The following OTOG variants were observed in gnomAD, a reference collection of about 807,000 sequenced individuals.
The protein encoded by OTOG is otogelin.
In OTOG, 296 loss-of-function variants were observed where a neutral mutation model predicts 313.8. The observed-to-expected ratio is 0.94, with a 90% CI of 0.86 to 1.04. The LOEUF (loss-of-function observed/expected upper bound fraction) is 1.04. Among genes scored for constraint, OTOG ranks in the 50% least tolerant of loss-of-function variants. OTOG has a pLI of 0.00. For synonymous variants in OTOG, 1,533 were observed against 1,554.9 expected, an observed-to-expected ratio of 0.99 and a Z score of 0.33; for missense variants, 3,948 against 3,840.1, an observed-to-expected ratio of 1.03 and a Z score of -0.74.
intron 34 of OTOG, 38 bp downstream of exon 34, chr11:17,608,451 T>C: frequency 7.4e-7 from 1 of 1,351,228 alleles, no homozygotes; most frequent in Non-Finnish European, 1.0e-6. Context: ...AGCCAAGGTG[T>C]GTGCACTAGT....
intron 39 of OTOG, among the ~76,000 whole-genome samples, chr11:17,622,120 C>G (rs1309796130): frequency 6.6e-6 from 1 of 152,164 alleles, no homozygotes; most frequent in Non-Finnish European, 1.5e-5. Context: ...GAGCCAGGGG[C>G]TTTCCTAGGG....
intron 4 of OTOG, among the ~76,000 whole-genome samples, chr11:17,552,614 C>CTGTGTCCCCCACCTGTCCTGTG (rs1158447407): frequency 2.5e-4 from 38 of 151,772 alleles, no homozygotes; most frequent in South Asian, 6.3e-4. Flanking sequence ...CCCACCTGTC[C>CTGTGTCCCCCACCTGTCCTGTG]TCTCACATCA....
intron 24 of OTOG, among the ~76,000 whole-genome samples, chr11:17,590,521 A>T (rs1014056139): frequency 1.3e-5 from 2 of 152,132 alleles, no homozygotes; most frequent in Non-Finnish European, 2.9e-5. Context: ...TGCAGTAGCC[A>T]CTCAGCTGGT....
chr11:17,640,946 G>A lies in OTOG; in HGVS notation c.8045G>A (p.Gly2682Asp), dbSNP rs953906424. ...CCGGTGTGTCTGAGCCGCGAGCTGG[G>A]TGTGATGCAGCCCGGCCAGACAGTG... ...KAPVCLSREL[G>D]VMQPGQTVVE... Residue 2682 changes from glycine (G) to aspartate (D), a missense_variant, in exon 51 of 56, where the codon GGT (glycine) becomes GAT (aspartate). Gly to Asp is a moderately conservative substitution (Grantham distance 94). Coordinates refer to ENST00000399397, the MANE Select transcript of OTOG (RefSeq NM_001292063.2). 1.9e-6 allele frequency: 3 copies of A among 1,548,316 alleles called. No individual in the cohort carries two copies. Among genetic ancestry groups the A allele is most frequent in the African/African-American group, 1.4e-5 (1 of 73,180 alleles).
In OTOG at chr11:17,553,558, T is replaced by G. The variant is rs1163582269; in HGVS notation, c.540+39T>G. On this transcript the variant is annotated intron_variant, in intron 6 of 55. Transcript: ENST00000399397. The stretch of plus-strand genomic sequence containing the variant: ...TGCCTTGCCTGTCCAGGAATGCTTC[T>G]CTAGGCCCTGGAGGCTGCACTGGCC... The G allele has an allele frequency of 2.1e-6, 3 of 1,402,288 alleles. No homozygotes were observed. The African/African-American group carries it at 4.4e-5, about 20-fold the overall frequency. The allele number at this position is 1,402,288 out of a possible 1,614,324, so 86.9% of individuals were successfully genotyped here.
intron 39 of OTOG, among the ~76,000 whole-genome samples, chr11:17,614,855 T>C (rs1853683936): frequency 6.6e-6 from 1 of 152,236 alleles, no homozygotes; most frequent in Non-Finnish European, 1.5e-5. Flanking sequence ...TATAAACAGT[T>C]ACATACAGGT....
intron 44 of OTOG, 127 bp downstream of exon 44, chr11:17,634,408 T>G: frequency 1.9e-6 from 2 of 1,069,282 alleles, no homozygotes; most frequent in Non-Finnish European, 2.7e-6. Context: ...GGGGGTGAGC[T>G]TGGAGGAGGG....
At chr11:17,547,668 C>T (rs1851838982) in intron 1 of OTOG, 2 of 1,006,812 alleles carry the variant, frequency 2.0e-6, no homozygotes, top group Non-Finnish European at 2.6e-6. Context: ...GGGAAAGAGT[C>T]CAAAGTTAGG....
chr11:17,612,361 A>C, intron 37 of OTOG, 31 bp downstream of exon 37: 6 of 1,502,540 alleles, frequency 4.0e-6, no homozygotes, highest in African/African-American at 1.4e-5. Flanking sequence ...AGCCTCCTGC[A>C]TCCTCCCTGT....
In OTOG at chr11:17,557,172, T is replaced by C; in HGVS notation, c.714T>C (p.Tyr238=). 6.4e-7 allele frequency: 1 copy of C among 1,550,638 alleles called. No homozygotes were observed. Among genetic ancestry groups the C allele is most frequent in the Middle Eastern group, 1.7e-4 (1 of 5,990 alleles). Residue 238 remains tyrosine (Y), a synonymous_variant, in exon 8 of 56, where the codon TAT becomes TAC. Transcript: ENST00000399397. ...CGCGTCTGCAGCAGCTTGCCGGCTA[T>C]GTCATCGTGCGGCATCAGTCAGCCT... is the stretch of plus-strand genomic sequence containing the variant. ...GSARLQQLAG[Y]VIVRHQSAFT...
At chr11:17,615,967 T>A (rs976057617) in intron 39 of OTOG, among the ~76,000 whole-genome samples, 2 of 152,226 alleles carry the variant, frequency 1.3e-5, no homozygotes, top group African/African-American at 2.4e-5. Flanking sequence ...ATATGCTTTT[T>A]ATTTTGTCCT....
chr11:17,609,712 C>A lies in OTOG; in HGVS notation c.4412C>A (p.Pro1471His). ...TEALGNETLP[P>H]SQGLPTPSDE... Reference sequence around the variant, plus strand: ...GCCCTTGGCAATGAGACCCTCCCTCCCAGTCAAGGGTTGCCCACTCCCAGT... The same window carrying A: ...GCCCTTGGCAATGAGACCCTCCCTCACAGTCAAGGGTTGCCCACTCCCAGT... Residue 1471 changes from proline (P) to histidine (H), a missense_variant, in exon 36 of 56, where the codon CCC (proline) becomes CAC (histidine). By Grantham distance (77) the Pro-to-His change is moderately conservative. Coordinates refer to ENST00000399397, the MANE Select transcript of OTOG (RefSeq NM_001292063.2). 1 of 1,533,682 alleles carries A rather than the reference C, an allele frequency of 6.5e-7. No homozygotes were observed. Among genetic ancestry groups the A allele is most frequent in the Non-Finnish European group, 8.8e-7 (1 of 1,138,102 alleles).
At chr11:17,642,813 C>T (rs1260716176) in intron 53 of OTOG, among the ~76,000 whole-genome samples, 2 of 152,100 alleles carry the variant, frequency 1.3e-5, no homozygotes, top group East Asian at 1.9e-4. Flanking sequence ...CGACTCTTCC[C>T]TAGAAAACAA....
rs1285964260 is a variant in OTOG, at chr11:17,609,527, G to T, written c.4355-128G>T. 3 of 889,644 alleles carry T rather than the reference G, an allele frequency of 3.4e-6. No individual in the cohort carries two copies. In the African/African-American group the frequency reaches 5.1e-5, roughly 15 times the overall value. 55.1% of individuals were successfully genotyped at this position (889,644 alleles called of 1,614,324 possible). Reference sequence around the variant, plus strand: ...AGTCCAGACCTGCTGACATCTGGCCGTTAGAAGCTGCCCTCACCCCATCAC... The same window carrying T: ...AGTCCAGACCTGCTGACATCTGGCCTTTAGAAGCTGCCCTCACCCCATCAC... On this transcript the variant is annotated intron_variant, in intron 35 of 55. Coordinates refer to ENST00000399397, the MANE Select transcript of OTOG (RefSeq NM_001292063.2).
At chr11:17,628,218 G>C (rs1854031750) in intron 39 of OTOG, among the ~76,000 whole-genome samples, 1 of 151,818 alleles carries the variant, frequency 6.6e-6, no homozygotes, top group Admixed American at 6.6e-5. Context: ...TTCCCCCTTA[G>C]TGCTGCTTTT....
In OTOG at chr11:17,586,393, C is replaced by A. The variant is rs1852794702; in HGVS notation, c.2760-81C>A. The A allele has an allele frequency of 3.1e-5, 25 of 816,446 alleles. No individual in the cohort carries two copies. The South Asian group carries it at 1.0e-3, about 33-fold the overall frequency. The allele number at this position is 816,446 out of a possible 1,614,324, so 50.6% of individuals were successfully genotyped here. A position where few individuals can be genotyped will look rare whatever the true frequency, so the allele number is the denominator to read the frequency against. On this transcript the variant is annotated intron_variant, in intron 23 of 55. Coordinates refer to ENST00000399397, the MANE Select transcript of OTOG (RefSeq NM_001292063.2). Reference sequence around the variant, plus strand: ...AATGCTGGGAGCCACCTCCGAGCATCCAGATTGAGGCAGGGTCCTCCACAG... The same window carrying A: ...AATGCTGGGAGCCACCTCCGAGCATACAGATTGAGGCAGGGTCCTCCACAG...
Position 17,548,094 on chromosome 11 carries a change from G to T in OTOG, c.156-58G>T, listed in dbSNP as rs1010131689. 7 of 1,508,976 alleles carry T rather than the reference G, an allele frequency of 4.6e-6. No individual in the cohort carries two copies. In the African/African-American group the frequency reaches 8.3e-5, roughly 18 times the overall value. The allele number at this position is 1,508,976 out of a possible 1,614,324, so 93.5% of individuals were successfully genotyped here. A position where few individuals can be genotyped will look rare whatever the true frequency, so the allele number is the denominator to read the frequency against. ...TTAGGGTGGGATAGGCCAGGGGACT[G>T]CGGGGAGGCATAACCCATCCTAGCC... On this transcript the variant is annotated intron_variant, in intron 2 of 55. Coordinates refer to ENST00000399397, the MANE Select transcript of OTOG (RefSeq NM_001292063.2).
chr11:17,583,275 C>T (rs1210923943), intron 23 of OTOG, among the ~76,000 whole-genome samples: 2 of 152,088 alleles, frequency 1.3e-5, no homozygotes, highest in African/African-American at 4.8e-5. Flanking sequence ...GCTAAGACTA[C>T]AGGTGTGCAC....
chr11:17,631,949 GGGA>G, intron 41 of OTOG, 27 bp downstream of exon 41: 1 of 1,547,572 alleles, frequency 6.5e-7, no homozygotes. Context: ...TCCAGCACTG[GGGA>G]CACCTCCTGG....
Sources: gnomAD v4.1 joint callset for allele counts (sites outside exome capture counted in the v4.1 genomes callset) on GRCh38, gnomAD v4.1.1 for gene constraint, MANE v1.5 for transcripts, NCBI Gene and HGNC (gene_info 2026-07-23, HGNC 2026-07-21) for gene names.